Variants in DAB1 observed in about 807,000 individuals in gnomAD.
The protein encoded by DAB1 is disabled homolog 1.
Under a neutral mutation model 64.6 loss-of-function variants are expected in DAB1, and 15 were observed. The ratio of observed to expected loss-of-function variants is 0.23; its 90% CI spans 0.16 to 0.36. The LOEUF is 0.36. Ranked by LOEUF, DAB1 falls within the 10% of genes least tolerant of loss-of-function variation. The pLI, the probability that DAB1 is intolerant of heterozygous loss-of-function variation, is 1.00. For missense variants in DAB1, 596 were observed against 706.7 expected, an observed-to-expected ratio of 0.84 and a Z score of 1.78; for synonymous variants, 235 against 251.9, an observed-to-expected ratio of 0.93 and a Z score of 0.64.
At chr1:57,904,666 G>T (rs1644525003) in intron 5 of DAB1, among the ~76,000 whole-genome samples, 1 of 152,166 alleles carries the variant, frequency 6.6e-6, no homozygotes, top group South Asian at 2.1e-4. Flanking sequence ...ATGAACAGCT[G>T]GAGTGAAGGC....
chr1:58,010,645 A>C (rs1646654484), intron 5 of DAB1, among the ~76,000 whole-genome samples: 1 of 152,214 alleles, frequency 6.6e-6, no homozygotes, highest in Non-Finnish European at 1.5e-5. Flanking sequence ...TTGCTTAAAA[A>C]TTGAGAGAGG....
intron 1 of DAB1, among the ~76,000 whole-genome samples, chr1:57,830,700 G>A (rs149819875): frequency 1.3e-5 from 2 of 152,158 alleles, no homozygotes; most frequent in African/African-American, 4.8e-5. Flanking sequence ...CTGGGAACTT[G>A]GCTCTTTAAA....
chr1:57,625,836 A>C (rs1187568232), intron 7 of DAB1, among the ~76,000 whole-genome samples: 1 of 152,160 alleles, frequency 6.6e-6, no homozygotes, highest in Non-Finnish European at 1.5e-5. Context: ...GTTGTACACC[A>C]GTTCTGGCTC....
intron 2 of DAB1, among the ~76,000 whole-genome samples, chr1:57,220,039 G>T (rs1666738069): frequency 6.6e-6 from 1 of 152,184 alleles, no homozygotes; most frequent in Non-Finnish European, 1.5e-5. Flanking sequence ...GATCTCACAA[G>T]GCCTAGAATG....
At position 57,145,412 on chromosome 1, in the gene DAB1, C is replaced by T. The variant is rs200335453; in HGVS notation, c.85G>A (p.Ala29Thr). Residue 29 changes from alanine (A) to threonine (T), a missense_variant, in exon 3 of 15, where the codon GCC (alanine) becomes ACC (threonine). Physicochemically the swap from Ala to Thr is moderately conservative, Grantham distance 58 (BLOSUM62 0). Around this residue, in one of 3 missense-constraint regions of DAB1, gnomAD observed 43 missense variants for 39.6 expected, o/e 1.09. Coordinates refer to ENST00000371236, the MANE Select transcript of DAB1 (RefSeq NM_001365792.1). Reference sequence around the variant, plus strand: ...CCTTTAAACCTCTTTATCAAAGTGGCTTCACTGCGATCCTGACCTAAAAAG... The same window carrying T: ...CCTTTAAACCTCTTTATCAAAGTGGTTTCACTGCGATCCTGACCTAAAAAG... ...SRKKGQDRSE[A>T]TLIKRFKGEG... is the part of the protein sequence containing the mutation. 7 of 1,614,046 alleles carry T rather than the reference C, an allele frequency of 4.3e-6. No homozygotes were observed. Among genetic ancestry groups the T allele is most frequent in the African/African-American group, 1.3e-5 (1 of 75,036 alleles).
At chr1:58,537,294 T>C (rs6684553) in intron 1 of DAB1, among the ~76,000 whole-genome samples, 17,685 of 152,172 alleles carry the variant, frequency 0.12, 1,225 homozygotes, top group African/African-American at 0.18. Context: ...AATAAATCTA[T>C]ACCTGGAACC....
At chr1:58,395,764 T>C (rs1644516040) in intron 3 of DAB1, among the ~76,000 whole-genome samples, 1 of 152,224 alleles carries the variant, frequency 6.6e-6, no homozygotes, top group South Asian at 2.1e-4. Context: ...AAGTACCTAC[T>C]GTGTTGCCAC....
At chr1:58,109,155 G>A (rs1651832763) in intron 5 of DAB1, among the ~76,000 whole-genome samples, 1 of 152,146 alleles carries the variant, frequency 6.6e-6, no homozygotes, top group African/African-American at 2.4e-5. Flanking sequence ...TCACATATGG[G>A]GTTTGATCTA....
chr1:57,253,149 G>T (rs1669480565), intron 2 of DAB1, among the ~76,000 whole-genome samples: 1 of 152,210 alleles, frequency 6.6e-6, no homozygotes, highest in African/African-American at 2.4e-5. Context: ...CATAAGGGCA[G>T]GGGGCACATT....
Position 57,575,931 on chromosome 1 carries a change from C to T in DAB1, n.625+73661G>A, listed in dbSNP as rs1009369398. On this transcript the variant is annotated intron_variant and non_coding_transcript_variant, in intron 7 of 20. Coordinates refer to the DAB1 transcript ENST00000485760. ...CATTACGGCTTGAATTAGGTTCACC[C>T]CCCAAAAAATATGTTGCTGTCTTAA... Among the ~76,000 whole-genome samples, 10 of 152,152 alleles carry T rather than the reference C, an allele frequency of 6.6e-5. No individual in the cohort carries two copies. In the East Asian group the frequency reaches 1.9e-3, roughly 29 times the overall value.
chr1:57,060,521 G>A (rs1169644042), intron 9 of DAB1, among the ~76,000 whole-genome samples: 1 of 152,124 alleles, frequency 6.6e-6, no homozygotes, highest in Non-Finnish European at 1.5e-5. Context: ...CCATGGGCTT[G>A]CATCTGGTAA....
At chr1:57,152,137 T>A (rs1659742240) in intron 2 of DAB1, among the ~76,000 whole-genome samples, 1 of 152,072 alleles carries the variant, frequency 6.6e-6, no homozygotes, top group Admixed American at 6.6e-5. Flanking sequence ...TTAAAAGGGA[T>A]CTCCTTAAGT....
intron 9 of DAB1, among the ~76,000 whole-genome samples, chr1:57,062,190 T>C (rs1650469967): frequency 6.6e-6 from 1 of 152,224 alleles, no homozygotes; most frequent in African/African-American, 2.4e-5. Flanking sequence ...CACCGGCACA[T>C]GGGGTCCAGA....
At chr1:57,671,449 G>A (rs1169455829) in intron 6 of DAB1, among the ~76,000 whole-genome samples, 5 of 152,024 alleles carry the variant, frequency 3.3e-5, no homozygotes, top group African/African-American at 1.2e-4. Flanking sequence ...TAAGGAGTCA[G>A]ACTCAGTAAG....
chr1:58,059,235 G>A (rs1043561713), intron 5 of DAB1, among the ~76,000 whole-genome samples: 5 of 152,170 alleles, frequency 3.3e-5, no homozygotes, highest in African/African-American at 1.2e-4. Flanking sequence ...ATGAGCATGG[G>A]CTCTCAGCCA....
intron 1 of DAB1, among the ~76,000 whole-genome samples, chr1:57,842,906 C>T (rs1238157022): frequency 6.6e-6 from 1 of 152,166 alleles, no homozygotes; most frequent in African/African-American, 2.4e-5. Flanking sequence ...AATCCTCTAA[C>T]TCAAAGTCTA....
intron 4 of DAB1, among the ~76,000 whole-genome samples, chr1:58,232,439 C>T (rs1320519366): frequency 6.6e-6 from 1 of 151,410 alleles, no homozygotes; most frequent in African/African-American, 2.4e-5. Flanking sequence ...GCCCACTATC[C>T]CCAAATGTGG....
chr1:57,912,858 C>A lies in DAB1; in HGVS notation n.388-28696G>T, dbSNP rs1312501623. 9.9e-5 allele frequency among the ~76,000 whole-genome samples: 15 copies of A among 152,162 alleles called. No individual in the cohort carries two copies. In the East Asian group the frequency reaches 2.5e-3, roughly 25 times the overall value. On this transcript the variant is annotated intron_variant and non_coding_transcript_variant, in intron 5 of 20. Transcript: ENST00000485760. ...CCCATTCACAATTGCTTCAAAGAGA[C>A]TAAAATACCTAGGAATCCAACTTAC...
chr1:57,678,583 G>T (rs969525630), intron 6 of DAB1, among the ~76,000 whole-genome samples: 5 of 152,074 alleles, frequency 3.3e-5, no homozygotes, highest in South Asian at 2.1e-4. Context: ...GGGACCTCAG[G>T]GGGTAGACTA....
Sources: gnomAD v4.1 joint callset for allele counts (sites outside exome capture counted in the v4.1 genomes callset) on GRCh38, gnomAD v4.1.1 for gene constraint, gnomAD v4.1.1 regional missense constraint, MANE v1.5 for transcripts, NCBI Gene and HGNC (gene_info 2026-07-23, HGNC 2026-07-21) for gene names.